CP: variants seen among roughly 807,000 people sequenced by gnomAD.
CP encodes the protein caeruloplasmin.
In CP, 64 loss-of-function variants were observed where a neutral mutation model predicts 122.4. The observed-to-expected ratio is 0.52, with a 90% confidence interval of 0.43 to 0.64. The LOEUF (loss-of-function observed/expected upper bound fraction) is 0.64, where lower values mean the gene tolerates loss of function less well. CP is among the 30% of genes least tolerant of loss of function. CP has a pLI of 0.00. For synonymous variants in CP, 440 were observed against 436.4 expected (o/e 1.01, Z -0.10); for missense variants, 1,167 against 1,284.4 (o/e 0.91, Z 1.40).
intron 7 of CP, among the ~76,000 whole-genome samples, chr3:149,201,653 C>T (rs1321951899): frequency 2.0e-5 from 3 of 151,738 alleles, no homozygotes; most frequent in Non-Finnish European, 4.4e-5. Context: ...TGCAGTGGCA[C>T]GATCTTGACT....
At chr3:149,181,980 C>CGGGGGG in intron 14 of CP, 25 bp downstream of exon 14, 1 of 515,890 alleles carries the variant, frequency 1.9e-6, no homozygotes, top group Non-Finnish European at 3.7e-6. Context: ...AAATGCACCA[C>CGGGGGG]CCCCACCCCC....
At chr3:149,195,046 A>G (rs563806083) in intron 9 of CP, among the ~76,000 whole-genome samples, 12 of 152,346 alleles carry the variant, frequency 7.9e-5, no homozygotes, top group Admixed American at 5.9e-4. Flanking sequence ...CAGCATTTCA[A>G]TCAATGCAGC....
In CP at chr3:149,185,286, G is replaced by T. The variant is rs1181993238; in HGVS notation, c.2238C>A (p.Ser746=). Residue 746 remains serine (S), a synonymous_variant, in exon 12 of 19, where the codon TCC becomes TCA. Coordinates refer to ENST00000264613, the MANE Select transcript of CP (RefSeq NM_000096.4). ...IAAVEVEWDY[S]PQREWEKELH... is the part of the protein sequence containing the mutation. The stretch of plus-strand genomic sequence containing the variant: ...GCTCCTTTTCCCACTCCCTTTGTGG[G>T]GAATAATCCCATTCCACCTCCACTG... 1 of 1,613,516 alleles carries T rather than the reference G, an allele frequency of 6.2e-7. No individual in the cohort carries two copies. The highest frequency in any genetic ancestry group is 1.7e-5 in the Admixed American group (1 of 59,994).
At chr3:149,220,165 C>T (rs1728712740) in intron 1 of CP, among the ~76,000 whole-genome samples, 2 of 152,196 alleles carry the variant, frequency 1.3e-5, no homozygotes, top group Admixed American at 1.3e-4. Flanking sequence ...CAAACTCCTT[C>T]ACTCTTCTAC....
chr3:149,221,812 C>A lies in CP; in HGVS notation c.-20G>T. The A allele has an allele frequency of 6.2e-7, 1 of 1,612,784 alleles. No individual in the cohort carries two copies. Among genetic ancestry groups the A allele is most frequent in the East Asian group, 2.2e-5 (1 of 44,806 alleles). On this transcript the variant is annotated 5_prime_UTR_variant, in exon 1 of 19. Coordinates refer to ENST00000264613, the MANE Select transcript of CP (RefSeq NM_000096.4). ...CTTCATTTTTTTCCCCTTCTTGGAG[C>A]CTGAGAAGAAATGAAGTAAAATCAG...
intron 8 of CP, 82 bp from the exon 9 acceptor site, chr3:149,198,660 TAGAATAGCCC>T: frequency 1.7e-6 from 2 of 1,145,680 alleles, no homozygotes; most frequent in Non-Finnish European, 2.6e-6. Context: ...AAGTTTAGTC[TAGAATAGCCC>T]ACTTCTGAGT....
intron 5 of CP, among the ~76,000 whole-genome samples, chr3:149,165,474 A>G (rs1724321662): frequency 7.5e-6 from 1 of 133,760 alleles, no homozygotes; most frequent in African/African-American, 2.8e-5. Context: ...AGTCTGCCTA[A>G]ACTTTTATAA....
At chr3:149,199,191 C>T (rs933054001) in intron 8 of CP, among the ~76,000 whole-genome samples, 1 of 151,874 alleles carries the variant, frequency 6.6e-6, no homozygotes, top group Admixed American at 6.6e-5. Flanking sequence ...TTATAAAACC[C>T]TTGTAATGCT....
chr3:149,181,672 G>A (rs900960712), intron 14 of CP, among the ~76,000 whole-genome samples: 5 of 152,168 alleles, frequency 3.3e-5, no homozygotes, highest in African/African-American at 2.4e-5. Context: ...GCTAGAGACA[G>A]GCATGGGAAC....
At chr3:149,213,345 A>G (rs1209223915) in intron 1 of CP, among the ~76,000 whole-genome samples, 1 of 152,214 alleles carries the variant, frequency 6.6e-6, no homozygotes, top group Admixed American at 6.5e-5. Context: ...TTAACATTGA[A>G]TGTTTGTATT....
rs1726632702 is a variant in CP, at chr3:149,192,872, G to A, written c.1714-4670C>T. On this transcript the variant is annotated intron_variant, in intron 9 of 18. Coordinates refer to ENST00000264613, the MANE Select transcript of CP (RefSeq NM_000096.4). ...GCCGTTTGTAAAAATTTAAAACTAA[G>A]TATTAGTAAAACGGCAGAGAACAGC... Among the ~76,000 whole-genome samples the A allele has an allele frequency of 2.0e-5, 3 of 151,864 alleles. No homozygotes were observed. In the South Asian group the frequency reaches 6.2e-4, roughly 31 times the overall value.
chr3:149,169,068 G>A (rs1046977581), downstream of CP, among the ~76,000 whole-genome samples: 2 of 148,520 alleles, frequency 1.3e-5, no homozygotes, highest in African/African-American at 5.2e-5. Flanking sequence ...TATGGCTAAT[G>A]AGACTAAGTG....
intron 5 of CP, 77 bp from the exon 6 acceptor site, chr3:149,206,416 G>A: frequency 2.6e-6 from 4 of 1,523,058 alleles, no homozygotes. Context: ...ACACTGCTCG[G>A]GTGATGACAA....
chr3:149,202,605 C>CTT (rs34873592), intron 6 of CP, among the ~76,000 whole-genome samples: 133 of 106,812 alleles, frequency 1.2e-3, no homozygotes, highest in African/African-American at 1.9e-3. Context: ...TGTTGTTTGT[C>CTT]TTTTTTTTTT....
chr3:149,166,361 A>G (rs1724414977), intron 4 of CP, among the ~76,000 whole-genome samples: 1 of 152,198 alleles, frequency 6.6e-6, no homozygotes, highest in Non-Finnish European at 1.5e-5. Context: ...AAACTACAGG[A>G]AGGGGTGTAA....
At chr3:149,213,228 A>G (rs1728229181) in intron 1 of CP, among the ~76,000 whole-genome samples, 1 of 152,208 alleles carries the variant, frequency 6.6e-6, no homozygotes, top group South Asian at 2.1e-4. Flanking sequence ...TTTTAACAGC[A>G]CTAAATCAAA....
downstream of CP, chr3:149,172,183 A>G (rs1374369504): frequency 4.3e-6 from 7 of 1,613,716 alleles, no homozygotes; most frequent in Non-Finnish European, 5.9e-6. Context: ...TTTTCTTGCC[A>G]TATCTTCTCT....
exon 6 of CP, chr3:149,162,518 C>T (rs568900851): frequency 1.1e-6 from 1 of 924,952 alleles, no homozygotes; most frequent in Admixed American, 2.0e-5. Flanking sequence ...TTTGTACATC[C>T]TAGAATCTGT....
At position 149,195,124 on chromosome 3, in the gene CP, G is replaced by A. The variant is rs559653280; in HGVS notation, c.1713+3243C>T. 3.3e-5 allele frequency among the ~76,000 whole-genome samples: 5 copies of A among 152,200 alleles called. No homozygotes were observed. In the South Asian group the frequency reaches 8.3e-4, roughly 25 times the overall value. ...AAAAGATAAATATGATCCGCTCCTC[G>A]ACTGTATCATTTATTTCCTATCAGA... is the stretch of plus-strand genomic sequence containing the variant. On this transcript the variant is annotated intron_variant, in intron 9 of 18. Coordinates refer to ENST00000264613, the MANE Select transcript of CP (RefSeq NM_000096.4).
Sources: allele counts gnomAD v4.1 joint callset (sites outside exome capture counted in the v4.1 genomes callset), GRCh38; gene constraint gnomAD v4.1.1; transcripts MANE v1.5; gene names NCBI Gene and HGNC (gene_info 2026-07-23, HGNC 2026-07-21).